Variants in TMEM147 observed in about 807,000 individuals in gnomAD.
TMEM147 encodes the protein transmembrane protein 147, also known as BOS complex subunit TMEM147.
Under a neutral mutation model 29.4 loss-of-function variants are expected in TMEM147, and 29 were observed. The observed-to-expected ratio is 0.99, with a 90% CI of 0.73 to 1.34. The LOEUF (loss-of-function observed/expected upper bound fraction) is 1.34. Ranked by LOEUF, TMEM147 falls within the 40% of genes most tolerant of loss-of-function variation. The pLI is 0.00. For synonymous variants in TMEM147, 121 were observed against 111.8 expected (o/e 1.08, Z -0.52); for missense variants, 260 against 289.4 (o/e 0.90, Z 0.74).
At chr19:35,546,611 G>A (rs373161481) in intron 3 of TMEM147, 26 bp downstream of exon 3, 181 of 1,611,018 alleles carry the variant, frequency 1.1e-4, no homozygotes, top group Non-Finnish European at 1.4e-4. Flanking sequence ...GAAGGGAAGG[G>A]AGTTCAGGAA....
chr19:35,546,064 C>T, intron 2 of TMEM147, 107 bp downstream of exon 2: 2 of 1,250,586 alleles, frequency 1.6e-6, no homozygotes, highest in South Asian at 2.6e-5. Flanking sequence ...TGGGACCGCC[C>T]TCGGGACTCC....
intron 4 of TMEM147, 46 bp from the exon 5 acceptor site, chr19:35,546,899 T>C (rs1159299709): frequency 3.5e-5 from 56 of 1,614,016 alleles, no homozygotes; most frequent in Non-Finnish European, 4.6e-5. Context: ...AGCCTGGTGC[T>C]GAAGGTGTCT....
chr19:35,547,333 C>T lies in TMEM147; in HGVS notation c.561C>T (p.Val187=). The change falls in exon 7 of 7, where the codon GTC becomes GTT. Residue 187 remains valine (V), a synonymous_variant. Transcript: ENST00000222284. ...TGACATTTTCCTGCAGGACCTTCGT[C>T]CACCTCTGCTCGCTGGGCAGTTGGG... The part of the protein sequence containing the change: ...VYKAFVMETF[V]HLCSLGSWAA... 2 of 1,613,956 alleles carry T rather than the reference C, an allele frequency of 1.2e-6. No individual in the cohort carries two copies. Among genetic ancestry groups the T allele is most frequent in the Non-Finnish European group, 1.7e-6 (2 of 1,179,970 alleles).
chr19:35,546,052 G>T lies in TMEM147; in HGVS notation c.147+95G>T, dbSNP rs1023688214. The stretch of plus-strand genomic sequence containing the variant: ...CCTATCCGCGCCCCCGCCGCCCCAC[G>T]GTGGGACCGCCCTCGGGACTCCGCA... On this transcript the variant is annotated intron_variant, in intron 2 of 6. Transcript: ENST00000222284. 8.6e-6 allele frequency: 12 copies of T among 1,392,738 alleles called. No homozygotes were observed. In the East Asian group the frequency reaches 3.0e-4, roughly 34 times the overall value. The allele number at this position is 1,392,738 out of a possible 1,614,324, so 86.3% of individuals were successfully genotyped here.
At position 35,546,946 on chromosome 19, in the gene TMEM147, T is replaced by C. The variant is rs2071565419; in HGVS notation, c.346T>C (p.Cys116Arg). ...AATCCCATCCTTTGCCTTCCTCAGC[T>C]GCATTCCCCTATGGGTCGGAGCCCG... ...WATAELIMSR[C>R]IPLWVGARGI... Residue 116 changes from cysteine to arginine, a missense_variant and splice_region_variant, in exon 5 of 7, where the codon TGC becomes CGC. Transcript: ENST00000222284. 3 of 1,614,050 alleles carry C rather than the reference T, an allele frequency of 1.9e-6. No individual in the cohort carries two copies. The highest frequency in any genetic ancestry group is 1.7e-6 in the Non-Finnish European group (2 of 1,180,044).
intron 5 of TMEM147, 42 bp downstream of exon 5, chr19:35,547,071 G>A (rs376802452): frequency 2.9e-5 from 47 of 1,614,078 alleles, no homozygotes; most frequent in Middle Eastern, 1.6e-4. Context: ...TCTGCTGGCG[G>A]CCATACTCCT....
rs766267043 is a variant in TMEM147 at position 35,545,770 on chromosome 19, G to A, written c.31G>A (p.Ala11Thr). 2.5e-6 allele frequency: 4 copies of A among 1,613,454 alleles called. No individual in the cohort carries two copies. Among genetic ancestry groups the A allele is most frequent in the Non-Finnish European group, 3.4e-6 (4 of 1,179,892 alleles). The change falls in exon 1 of 7, where the codon GCT becomes ACT. Residue 11 changes from alanine to threonine, a missense_variant. Coordinates refer to ENST00000222284, the MANE Select transcript of TMEM147 (RefSeq NM_032635.4). Reference sequence around the variant, plus strand: ...CCTGTTTCACTTCGGGAACTGCTTCGCTCTTGCCTACTTCCCCTACTTCAT... The same window carrying A: ...CCTGTTTCACTTCGGGAACTGCTTCACTCTTGCCTACTTCCCCTACTTCAT... MTLFHFGNCF[A>T]LAYFPYFITY... is the part of the protein sequence containing the mutation.
Position 35,547,320 on chromosome 19 carries a change from G to T in TMEM147, c.552-4G>T. 1.9e-6 allele frequency: 3 copies of T among 1,613,872 alleles called. No homozygotes were observed. Among genetic ancestry groups the T allele is most frequent in the African/African-American group, 2.7e-5 (2 of 75,034 alleles). ...CCCTTCCTTATTGTGACATTTTCCTGCAGGACCTTCGTCCACCTCTGCTCG... is the reference window on the plus strand; with the variant it reads ...CCCTTCCTTATTGTGACATTTTCCTTCAGGACCTTCGTCCACCTCTGCTCG... On this transcript the variant is annotated splice_polypyrimidine_tract_variant and splice_region_variant and intron_variant, in intron 6 of 6. Transcript: ENST00000222284.
At position 35,547,032 on chromosome 19, in the gene TMEM147, A is replaced by G; in HGVS notation, c.429+3A>G. The G allele has an allele frequency of 3.7e-6, 6 of 1,614,224 alleles. No individual in the cohort carries two copies. The highest frequency in any genetic ancestry group is 4.2e-6 in the Non-Finnish European group (5 of 1,180,026). On this transcript the variant is annotated splice_donor_region_variant and intron_variant, in intron 5 of 6. Transcript: ENST00000222284. ...GCATAGACTCCAACATCAGTCTGGTAGGCAGTCGTGCTCTCCCACATACAC... is the reference window on the plus strand; with the variant it reads ...GCATAGACTCCAACATCAGTCTGGTGGGCAGTCGTGCTCTCCCACATACAC...
Position 35,545,921 on chromosome 19 carries a change from G to A in TMEM147, c.111G>A (p.Gln37=). 3.7e-6 allele frequency: 6 copies of A among 1,613,994 alleles called. 1 individual carries two copies. In the South Asian group the frequency reaches 5.5e-5, roughly 15 times the overall value. ...ACAACGCCTTCTGGAAATGCGTCCA[G>A]GCTGGAGTCACCTACCTCTTTGTCC... ...SEYNAFWKCV[Q]AGVTYLFVQL... Residue 37 remains glutamine, a synonymous_variant, in exon 2 of 7, where the codon CAG becomes CAA. Transcript: ENST00000222284.
chr19:35,547,030 G>T lies in TMEM147; in HGVS notation c.429+1G>T. 6.2e-7 allele frequency: 1 copy of T among 1,614,228 alleles called. No individual in the cohort carries two copies. The highest frequency in any genetic ancestry group is 8.5e-7 in the Non-Finnish European group (1 of 1,180,042). On this transcript the variant is annotated splice_donor_variant, in intron 5 of 6. Coordinates refer to ENST00000222284, the MANE Select transcript of TMEM147 (RefSeq NM_032635.4). LOFTEE classifies it high-confidence loss of function. ...GAGCATAGACTCCAACATCAGTCTG[G>T]TAGGCAGTCGTGCTCTCCCACATAC...
chr19:35,546,272 G>T, intron 2 of TMEM147: 1 of 601,542 alleles, frequency 1.7e-6, no homozygotes, highest in Non-Finnish European at 2.9e-6. Context: ...TGCCCAAGGA[G>T]CAGCACCTTC....
Position 35,547,113 on chromosome 19 carries a change from C to G in TMEM147, c.430-6C>G, listed in dbSNP as rs771173463. 6.2e-7 allele frequency: 1 copy of G among 1,614,196 alleles called. No individual in the cohort carries two copies. The highest frequency in any genetic ancestry group is 8.5e-7 in the Non-Finnish European group (1 of 1,180,040). On this transcript the variant is annotated splice_polypyrimidine_tract_variant and splice_region_variant and intron_variant, in intron 5 of 6. Coordinates refer to ENST00000222284, the MANE Select transcript of TMEM147 (RefSeq NM_032635.4). ...GGCCTGGCCCCGACTTTCTGCCTCC[C>G]TCTAGGTCCATTACATCGTCGCGTC...
rs1429170280 is a variant in TMEM147 at position 35,545,870 on chromosome 19, C to T, written c.78-18C>T. On this transcript the variant is annotated intron_variant, in intron 1 of 6. Transcript: ENST00000222284. Reference sequence around the variant, plus strand: ...AGGGCGCGGGGCCCGGGCCGACCCTCACCTCCCGCTTCTCCAGGTCCGAGT... The same window carrying T: ...AGGGCGCGGGGCCCGGGCCGACCCTTACCTCCCGCTTCTCCAGGTCCGAGT... The T allele has an allele frequency of 6.2e-7, 1 of 1,613,876 alleles. No individual in the cohort carries two copies.
intron 5 of TMEM147, 31 bp from the exon 6 acceptor site, chr19:35,547,088 G>T: frequency 6.2e-7 from 1 of 1,614,212 alleles, no homozygotes; most frequent in Middle Eastern, 1.6e-4. Flanking sequence ...TCCTCCCCAA[G>T]GCCTGGCCCC....
Position 35,545,937 on chromosome 19 carries a change from C to G in TMEM147, c.127C>G (p.Leu43Val), listed in dbSNP as rs1173715046. ...ATGCGTCCAGGCTGGAGTCACCTAC[C>G]TCTTTGTCCAACTCTGCAAGGTGAG... is the stretch of plus-strand genomic sequence containing the variant. ...WKCVQAGVTY[L>V]FVQLCKMLFL... Residue 43 changes from leucine (L) to valine (V), a missense_variant, in exon 2 of 7, where the codon CTC (leucine) becomes GTC (valine). Physicochemically the swap from Leu to Val is conservative, Grantham distance 32. Transcript: ENST00000222284. 4.3e-6 allele frequency: 7 copies of G among 1,613,768 alleles called. No individual in the cohort carries two copies. The highest frequency in any genetic ancestry group is 5.1e-6 in the Non-Finnish European group (6 of 1,179,886).
chr19:35,546,218 G>C (rs2071555242), intron 2 of TMEM147: 1 of 607,786 alleles, frequency 1.6e-6, no homozygotes, highest in Non-Finnish European at 2.9e-6. Context: ...GTTTTTTTTG[G>C]TGCGGTTAAG....
In TMEM147 at chr19:35,546,552, C is replaced by T; in HGVS notation, c.174C>T (p.Pro58=). 1 of 1,613,398 alleles carries T rather than the reference C, an allele frequency of 6.2e-7. No homozygotes were observed. The highest frequency in any genetic ancestry group is 8.5e-7 in the Non-Finnish European group (1 of 1,179,728). The change falls in exon 3 of 7, where the codon CCC becomes CCT. Residue 58 remains proline, a synonymous_variant. Coordinates refer to ENST00000222284, the MANE Select transcript of TMEM147 (RefSeq NM_032635.4). ...CKMLFLATFF[P]TWEGGIYDFI... ...TGCTGTTCTTGGCCACTTTCTTTCCCACCTGGGAAGGCGGCATCTATGACT... is the reference window on the plus strand; with the variant it reads ...TGCTGTTCTTGGCCACTTTCTTTCCTACCTGGGAAGGCGGCATCTATGACT...
Position 35,545,752 on chromosome 19 carries a change from C to G in TMEM147, c.13C>G (p.His5Asp), listed in dbSNP as rs563755139. The part of the protein sequence containing the change: MTLF[H>D]FGNCFALAYF... ...GGCGGCCGGCATCATGACCCTGTTTCACTTCGGGAACTGCTTCGCTCTTGC... is the reference window on the plus strand; with the variant it reads ...GGCGGCCGGCATCATGACCCTGTTTGACTTCGGGAACTGCTTCGCTCTTGC... The change falls in exon 1 of 7, where the codon CAC becomes GAC. Residue 5 changes from histidine (H) to aspartate (D), a missense_variant. Coordinates refer to ENST00000222284, the MANE Select transcript of TMEM147 (RefSeq NM_032635.4). 1.2e-6 allele frequency: 2 copies of G among 1,612,780 alleles called. No individual in the cohort carries two copies. Among genetic ancestry groups the G allele is most frequent in the African/African-American group, 1.3e-5 (1 of 75,042 alleles).
Sources: gnomAD v4.1 joint callset for allele counts on GRCh38, gnomAD v4.1.1 for gene constraint, MANE v1.5 for transcripts, NCBI Gene and HGNC (gene_info 2026-07-23, HGNC 2026-07-21) for gene names.